The following CACHD1 variants were observed in gnomAD, a reference collection of about 807,000 sequenced individuals.
CACHD1 encodes the protein cache domain containing 1.
Under a neutral mutation model 138.7 loss-of-function variants are expected in CACHD1, and 71 were observed. The observed-to-expected ratio is 0.51, with a 90% confidence interval of 0.42 to 0.62. CACHD1 has a LOEUF of 0.62. CACHD1 is among the 20% of genes least tolerant of loss of function. The pLI, the probability that CACHD1 is intolerant of heterozygous loss-of-function variation, is 0.00. For missense variants in CACHD1, 1,389 were observed against 1,625.3 expected (o/e 0.85, Z 2.50); for synonymous variants, 578 against 591.5 (o/e 0.98, Z 0.33).
intron 3 of CACHD1, among the ~76,000 whole-genome samples, chr1:64,588,431 T>G (rs1198169547): frequency 6.6e-6 from 1 of 152,016 alleles, no homozygotes; most frequent in Non-Finnish European, 1.5e-5. Context: ...TTTTTTTTTT[T>G]TTTTTCTTAA....
At chr1:64,565,353 G>A (rs892048983) in intron 2 of CACHD1, among the ~76,000 whole-genome samples, 1 of 152,072 alleles carries the variant, frequency 6.6e-6, no homozygotes, top group Non-Finnish European at 1.5e-5. Context: ...AAATCTGTAG[G>A]AAGGCAAAAG....
chr1:64,504,584 T>C (rs1461051743), intron 1 of CACHD1, among the ~76,000 whole-genome samples: 1 of 152,178 alleles, frequency 6.6e-6, no homozygotes, highest in Non-Finnish European at 1.5e-5. Flanking sequence ...TTGGTTTCAT[T>C]TTGCTTTCCT....
rs186016077 is a variant in CACHD1, at chr1:64,534,334, G to A, written c.199-16260G>A. ...GCTGGGATTACAGGTGTGAGCCACC[G>A]CGCCCGGCCATCTTTTTCTTTCTGT... On this transcript the variant is annotated intron_variant, in intron 1 of 26. Coordinates refer to ENST00000651257, the MANE Select transcript of CACHD1 (RefSeq NM_020925.4). Among the ~76,000 whole-genome samples, 16 of 152,216 alleles carry A rather than the reference G, an allele frequency of 1.1e-4. No individual in the cohort carries two copies. In the East Asian group the frequency reaches 2.3e-3, roughly 22 times the overall value.
intron 3 of CACHD1, among the ~76,000 whole-genome samples, chr1:64,592,710 T>C (rs923347478): frequency 9.2e-5 from 14 of 152,298 alleles, no homozygotes; most frequent in African/African-American, 3.4e-4. Flanking sequence ...AGCAGTAGTT[T>C]TAAAGCAAGG....
At chr1:64,670,860 A>G (rs1401604716) in intron 16 of CACHD1, among the ~76,000 whole-genome samples, 3 of 152,214 alleles carry the variant, frequency 2.0e-5, no homozygotes, top group South Asian at 2.1e-4. Flanking sequence ...AGCCACATAT[A>G]TAGAAAGCAA....
intron 2 of CACHD1, among the ~76,000 whole-genome samples, chr1:64,562,445 C>T (rs4915983): frequency 4.1e-5 from 6 of 145,556 alleles, no homozygotes; most frequent in South Asian, 4.3e-4. Context: ...GAGTCTTGCT[C>T]TGCCACCAGG....
chr1:64,599,613 T>G (rs1258379788), intron 3 of CACHD1, among the ~76,000 whole-genome samples: 2 of 152,102 alleles, frequency 1.3e-5, no homozygotes, highest in East Asian at 1.9e-4. Flanking sequence ...TGAAACTACT[T>G]TATGATGGAG....
At chr1:64,493,959 C>T (rs956608125) in intron 1 of CACHD1, among the ~76,000 whole-genome samples, 5 of 152,184 alleles carry the variant, frequency 3.3e-5, no homozygotes, top group Admixed American at 1.3e-4. Context: ...GTTCCTGGGG[C>T]GCTTCCCAAG....
At chr1:64,651,172 A>G (rs954302776) in intron 9 of CACHD1, among the ~76,000 whole-genome samples, 8 of 152,204 alleles carry the variant, frequency 5.3e-5, no homozygotes, top group Non-Finnish European at 1.0e-4. Flanking sequence ...AAAAACAACA[A>G]CAAAAATTAT....
At chr1:64,489,751 G>A (rs555630420) in intron 1 of CACHD1, among the ~76,000 whole-genome samples, 1 of 152,284 alleles carries the variant, frequency 6.6e-6, no homozygotes, top group African/African-American at 2.4e-5. Flanking sequence ...ATAATGCTAA[G>A]TCTTCAGAAT....
intron 5 of CACHD1, 26 bp downstream of exon 5, chr1:64,629,507 TTTAA>T: frequency 6.2e-7 from 1 of 1,610,264 alleles, no homozygotes; most frequent in Non-Finnish European, 8.5e-7. Flanking sequence ...TGCTAAAGTT[TTTAA>T]TTATTGCTTA....
intron 1 of CACHD1, among the ~76,000 whole-genome samples, chr1:64,480,504 C>T (rs1383696555): frequency 4.6e-5 from 7 of 151,986 alleles, no homozygotes; most frequent in African/African-American, 1.7e-4. Context: ...TCTCATTTGA[C>T]AGCTGACTAG....
intron 1 of CACHD1, among the ~76,000 whole-genome samples, chr1:64,481,443 G>A (rs942368989): frequency 5.3e-5 from 8 of 152,238 alleles, no homozygotes; most frequent in Admixed American, 5.2e-4. Flanking sequence ...TCTTCAAAGT[G>A]TGGACACATC....
chr1:64,643,608 G>A (rs534461111), intron 8 of CACHD1, among the ~76,000 whole-genome samples: 5 of 152,264 alleles, frequency 3.3e-5, no homozygotes, highest in Admixed American at 2.6e-4. Context: ...AGGCCAAGGC[G>A]GGCGGATCAC....
chr1:64,666,926 T>G (rs1649655991), intron 16 of CACHD1, among the ~76,000 whole-genome samples: 4 of 151,604 alleles, frequency 2.6e-5, no homozygotes, highest in Admixed American at 2.6e-4. Context: ...TATTTGAGTC[T>G]AACTCTTTAG....
intron 2 of CACHD1, among the ~76,000 whole-genome samples, chr1:64,580,844 G>C (rs1267679198): frequency 6.6e-6 from 1 of 152,074 alleles, no homozygotes; most frequent in African/African-American, 2.4e-5. Flanking sequence ...CCCTGAGGGT[G>C]GCAAAACCAA....
At position 64,632,702 on chromosome 1, in the gene CACHD1, G is replaced by A. The variant is rs763216048; in HGVS notation, c.748G>A (p.Ala250Thr). Residue 250 changes from alanine to threonine, a missense_variant, in exon 6 of 27, where the codon GCT (alanine) becomes ACT (threonine). Physicochemically the swap from Ala to Thr is moderately conservative, Grantham distance 58 (BLOSUM62 0). Coordinates refer to ENST00000651257, the MANE Select transcript of CACHD1 (RefSeq NM_020925.4). ...TDTQLQIAKD[A>T]AQVILSAIDE... ...CACTCAGCTTCAGATTGCCAAGGAC[G>A]CTGCTCAGGTCATCCTCAGCGCCAT... is the stretch of plus-strand genomic sequence containing the variant. 2.2e-5 allele frequency: 35 copies of A among 1,614,148 alleles called. No homozygotes were observed. Among genetic ancestry groups the A allele is most frequent in the South Asian group, 5.5e-5 (5 of 91,086 alleles).
intron 2 of CACHD1, among the ~76,000 whole-genome samples, chr1:64,566,714 AGG>A (rs754988982): frequency 2.0e-4 from 30 of 150,942 alleles, no homozygotes; most frequent in Non-Finnish European, 4.4e-4. Flanking sequence ...TTTTTTTTAA[AGG>A]GAAGATTTAC....
rs1648663420 is a variant in CACHD1, at chr1:64,640,334, T to C, written c.1007-1486T>C. On this transcript the variant is annotated intron_variant, in intron 7 of 26. Coordinates refer to ENST00000651257, the MANE Select transcript of CACHD1 (RefSeq NM_020925.4). ...CTGAAGAAGTAAGTGTATAACATAT[T>C]ATATAAATATTTCTCAGTAAAAAGA... Among the ~76,000 whole-genome samples, 3 of 152,168 alleles carry C rather than the reference T, an allele frequency of 2.0e-5. No individual in the cohort carries two copies. The South Asian group carries it at 6.2e-4, about 31-fold the overall frequency.
Sources: allele counts gnomAD v4.1 joint callset (sites outside exome capture counted in the v4.1 genomes callset), GRCh38; gene constraint gnomAD v4.1.1; transcripts MANE v1.5; gene names NCBI Gene and HGNC (gene_info 2026-07-23, HGNC 2026-07-21).